Variants in CCDC187 observed in about 807,000 individuals in gnomAD.
CCDC187 encodes coiled-coil domain containing 187, also known as coiled-coil domain-containing protein 187.
Under a neutral mutation model 38.0 loss-of-function variants are expected in CCDC187, and 32 were observed. That is an observed-to-expected ratio of 0.84 (90% confidence interval 0.64 to 1.13). The LOEUF is 1.13. CCDC187 is among the 50% of genes most tolerant of loss of function. The pLI is 0.00. For missense variants in CCDC187, 707 were observed against 786.8 expected, an observed-to-expected ratio of 0.90 and a Z score of 1.21; for synonymous variants, 333 against 347.9, an observed-to-expected ratio of 0.96 and a Z score of 0.48.
intron 16 of CCDC187, 52 bp downstream of exon 16, chr9:136,267,332 A>G (rs62579923): frequency 0.14 from 132,415 of 944,684 alleles, 9,479 homozygotes; most frequent in Admixed American, 0.23. Context: ...GCGGGGCTAC[A>G]GCAGGGCGGG....
intron 9 of CCDC187, among the ~76,000 whole-genome samples, chr9:136,285,043 G>A (rs1295232054): frequency 6.6e-6 from 1 of 152,246 alleles, no homozygotes; most frequent in African/African-American, 2.4e-5. Flanking sequence ...CCGGGAAGGG[G>A]CTTCAGATGT....
At position 136,258,150 on chromosome 9, in the gene CCDC187, G is replaced by A. The variant is rs562043560; in HGVS notation, c.4366+782C>T. 2.0e-5 allele frequency among the ~76,000 whole-genome samples: 3 copies of A among 152,256 alleles called. No homozygotes were observed. Among genetic ancestry groups the A allele is most frequent in the East Asian group, 1.9e-4 (1 of 5,172 alleles). On this transcript the variant is annotated intron_variant, in intron 22 of 25. Transcript: ENST00000638797. The surrounding 1 kb of genome is among the most constrained non-coding windows in gnomAD (Gnocchi z 4.3). ...GTGACGCGGGACACAGAGGGAAAGCGCTCTGTATTCACTCCGCCTCCCAGT... is the reference window on the plus strand; with the variant it reads ...GTGACGCGGGACACAGAGGGAAAGCACTCTGTATTCACTCCGCCTCCCAGT...
chr9:136,300,467 G>A lies in CCDC187; in HGVS notation c.626-149C>T, dbSNP rs1588676917. ...CTCACTCTGTCACCCAAGCTGGAGTGCAATGGCGCAATCTCAGCTCACTAC... is the reference window on the plus strand; with the variant it reads ...CTCACTCTGTCACCCAAGCTGGAGTACAATGGCGCAATCTCAGCTCACTAC... On this transcript the variant is annotated intron_variant, in intron 2 of 25. Coordinates refer to ENST00000638797, the MANE Select transcript of CCDC187 (RefSeq NM_001378188.1). The A allele has an allele frequency of 7.8e-6, 3 of 386,908 alleles. No individual in the cohort carries two copies. The East Asian group carries it at 1.1e-4, about 14-fold the overall frequency. 24.0% of individuals were successfully genotyped at this position (386,908 alleles called of 1,614,324 possible). A position where few individuals can be genotyped will look rare whatever the true frequency, so the allele number is the denominator to read the frequency against.
chr9:136,281,138 C>T (rs1831031580), intron 10 of CCDC187: 1 of 310,200 alleles, frequency 3.2e-6, no homozygotes, highest in Non-Finnish European at 5.9e-6. Flanking sequence ...CCCAGGGCTT[C>T]AGCAGCTGCT....
intron 14 of CCDC187, among the ~76,000 whole-genome samples, chr9:136,272,234 G>A (rs1830852385): frequency 6.6e-6 from 1 of 152,176 alleles, no homozygotes; most frequent in African/African-American, 2.4e-5. Flanking sequence ...GCAATGGAGA[G>A]CACCAGAAAT....
At position 136,290,560 on chromosome 9, in the gene CCDC187, C is replaced by G; in HGVS notation, c.2053G>C (p.Gly685Arg). 1 of 399,048 alleles carries G rather than the reference C, an allele frequency of 2.5e-6. No homozygotes were observed. Among genetic ancestry groups the G allele is most frequent in the Non-Finnish European group, 4.4e-6 (1 of 226,418 alleles). The allele number at this position is 399,048 out of a possible 1,614,324, so 24.7% of individuals were successfully genotyped here. A position where few individuals can be genotyped will look rare whatever the true frequency, so the allele number is the denominator to read the frequency against. ...VYRQQREAVL[G>R]RAVPVVSRTT... ...CGGGAGACCACGGGGACCGCCCTGCCGAGGACGGCCTCCCTCTGCTGCCGG... is the reference window on the plus strand; with the variant it reads ...CGGGAGACCACGGGGACCGCCCTGCGGAGGACGGCCTCCCTCTGCTGCCGG... The change falls in exon 6 of 26, where the codon GGC becomes CGC. Residue 685 changes from glycine (G) to arginine (R), a missense_variant. Gly to Arg is a moderately radical substitution (Grantham distance 125, BLOSUM62 -2). Transcript: ENST00000638797.
chr9:136,293,231 ACACG>A (rs1305320216), intron 4 of CCDC187, among the ~76,000 whole-genome samples: 18 of 142,612 alleles, frequency 1.3e-4, no homozygotes, highest in South Asian at 4.7e-4. Flanking sequence ...ACTCACACTC[ACACG>A]CTCACACTCA....
chr9:136,259,909 G>C (rs550344236), intron 20 of CCDC187, among the ~76,000 whole-genome samples: 2 of 152,196 alleles, frequency 1.3e-5, no homozygotes, highest in African/African-American at 2.4e-5. Flanking sequence ...GCCAGTGCAC[G>C]GGGTGGCCCG....
upstream of CCDC187, among the ~76,000 whole-genome samples, chr9:136,304,804 A>G (rs1373873604): frequency 6.6e-6 from 1 of 152,224 alleles, no homozygotes; most frequent in African/African-American, 2.4e-5. Context: ...AGCTGCGATG[A>G]TCATGAGCAC....
At chr9:136,304,475 C>T (rs1318858388), upstream of CCDC187, among the ~76,000 whole-genome samples, 8 of 152,212 alleles carry the variant, frequency 5.3e-5, no homozygotes, top group African/African-American at 1.9e-4. Context: ...TCTGGGCTCA[C>T]CCTGGTGCAG....
At chr9:136,259,719 C>T (rs1426248524) in intron 20 of CCDC187, among the ~76,000 whole-genome samples, 1 of 152,192 alleles carries the variant, frequency 6.6e-6, no homozygotes, top group African/African-American at 2.4e-5. Context: ...AATCCTCCTT[C>T]TGCCCTGGCC....
intron 10 of CCDC187, among the ~76,000 whole-genome samples, chr9:136,280,018 C>G (rs1831008396): frequency 6.6e-6 from 1 of 152,260 alleles, no homozygotes; most frequent in African/African-American, 2.4e-5. Flanking sequence ...GACTCCAGAA[C>G]TGTGAGCCAA....
Position 136,260,795 on chromosome 9 carries a change from G to C in CCDC187, c.4065-531C>G, listed in dbSNP as rs148526041. Among the ~76,000 whole-genome samples the C allele has an allele frequency of 4.1e-4, 63 of 152,344 alleles. No homozygotes were observed. The East Asian group carries it at 0.012, about 28-fold the overall frequency. ...GTCCAGGGTGAGCAGGAGGTTCAGAGGAGGGTGGCCCTAAGGGCCTGGAAA... is the reference window on the plus strand; with the variant it reads ...GTCCAGGGTGAGCAGGAGGTTCAGACGAGGGTGGCCCTAAGGGCCTGGAAA... On this transcript the variant is annotated intron_variant, in intron 19 of 25. Transcript: ENST00000638797.
Position 136,291,076 on chromosome 9 carries a change from A to G in CCDC187, c.1537T>C (p.Ser513Pro). 1 of 398,324 alleles carries G rather than the reference A, an allele frequency of 2.5e-6. No individual in the cohort carries two copies. The highest frequency in any genetic ancestry group is 4.4e-6 in the Non-Finnish European group (1 of 226,070). 24.7% of individuals were successfully genotyped at this position (398,324 alleles called of 1,614,324 possible). ...RAWGAQRQGPSSQRPGSPPEK... is the reference protein window; with the variant it reads ...RAWGAQRQGPPSQRPGSPPEK... ...GGGGGGCTCCCAGGCCTCTGGGAGGAGGGGCCCTGTCTTTGGGCCCCCCAG... is the reference window on the plus strand; with the variant it reads ...GGGGGGCTCCCAGGCCTCTGGGAGGGGGGGCCCTGTCTTTGGGCCCCCCAG... The change falls in exon 6 of 26, where the codon TCC (serine) becomes CCC (proline). Residue 513 changes from serine (S) to proline (P), a missense_variant. Coordinates refer to ENST00000638797, the MANE Select transcript of CCDC187 (RefSeq NM_001378188.1).
At chr9:136,304,735 A>G (rs36145994), upstream of CCDC187, among the ~76,000 whole-genome samples, 6 of 152,046 alleles carry the variant, frequency 3.9e-5, no homozygotes, top group South Asian at 2.1e-4. Flanking sequence ...CCCTCCCCCA[A>G]TGCTCACCAT....
rs1831720294 is a variant in CCDC187 at position 136,302,898 on chromosome 9, G to A, written c.539C>T (p.Ala180Val). ...CGTGGAGGCTTTGTGGAGTCTGGAG[G>A]CGCTGGAGGGGGCTGAGGTGCCCAG... The part of the protein sequence containing the change: ...ASLGTSAPSS[A>V]SRLHKASTLM... Residue 180 changes from alanine (A) to valine (V), a missense_variant, in exon 2 of 26, where the codon GCC becomes GTC. Physicochemically the swap from Ala to Val is moderately conservative, Grantham distance 64 (BLOSUM62 0). Coordinates refer to ENST00000638797, the MANE Select transcript of CCDC187 (RefSeq NM_001378188.1). 1 of 398,594 alleles carries A rather than the reference G, an allele frequency of 2.5e-6. No homozygotes were observed. Among genetic ancestry groups the A allele is most frequent in the East Asian group, 3.6e-5 (1 of 28,080 alleles). The allele number at this position is 398,594 out of a possible 1,614,324, so 24.7% of individuals were successfully genotyped here.
chr9:136,292,844 G>A (rs1431481564), intron 4 of CCDC187, among the ~76,000 whole-genome samples: 1 of 152,236 alleles, frequency 6.6e-6, no homozygotes, highest in Admixed American at 6.5e-5. Flanking sequence ...AGCGGTGAAG[G>A]CTCCCCGGCT....
At position 136,291,291 on chromosome 9, in the gene CCDC187, G is replaced by A; in HGVS notation, c.1322C>T (p.Ala441Val). ...GGGCTCCCAGGTGTGGACACTCCTA[G>A]CCCTCTCTAAAGAGGAATGCTTCCT... is the stretch of plus-strand genomic sequence containing the variant. Reference protein sequence around the residue: ...TERKHSSLERARSVHTWEPWS... With the variant: ...TERKHSSLERVRSVHTWEPWS... The change falls in exon 6 of 26, where the codon GCT becomes GTT. Residue 441 changes from alanine (A) to valine (V), a missense_variant. By Grantham distance (64) the Ala-to-Val change is moderately conservative. Transcript: ENST00000638797. 1 of 398,778 alleles carries A rather than the reference G, an allele frequency of 2.5e-6. No individual in the cohort carries two copies. Among genetic ancestry groups the A allele is most frequent in the Non-Finnish European group, 4.4e-6 (1 of 226,150 alleles). 24.7% of individuals were successfully genotyped at this position (398,778 alleles called of 1,614,324 possible).
intron 14 of CCDC187, among the ~76,000 whole-genome samples, chr9:136,273,312 TA>T (rs1404048572): frequency 6.6e-6 from 1 of 152,068 alleles, no homozygotes; most frequent in Non-Finnish European, 1.5e-5. Flanking sequence ...AAATGGAAAG[TA>T]AAAGGATGGC....
Sources: allele counts gnomAD v4.1 joint callset (sites outside exome capture counted in the v4.1 genomes callset), GRCh38; gene constraint gnomAD v4.1.1; non-coding constraint Gnocchi (gnomAD v3.1); transcripts MANE v1.5; gene names NCBI Gene and HGNC (gene_info 2026-07-23, HGNC 2026-07-21).